ATG5: variants seen among roughly 807,000 people sequenced by gnomAD.
ATG5 encodes autophagy protein 5.
A neutral mutation model predicts 36.5 loss-of-function variants in ATG5; 14 were observed. The observed-to-expected ratio is 0.38, with a 90% CI of 0.25 to 0.60. ATG5 has a LOEUF of 0.60. Among genes scored for constraint, ATG5 ranks in the 20% least tolerant of loss-of-function variants. The probability of loss-of-function intolerance (pLI) is 0.60; values close to 1 mark genes in which losing one functional copy is unlikely to be tolerated. For synonymous variants in ATG5, 95 were observed against 101.5 expected, an observed-to-expected ratio of 0.94 and a Z score of 0.38; for missense variants, 195 against 326.7, an observed-to-expected ratio of 0.60 and a Z score of 3.11.
At chr6:106,247,549 T>C (rs1778390684) in intron 6 of ATG5, among the ~76,000 whole-genome samples, 1 of 152,292 alleles carries the variant, frequency 6.6e-6, no homozygotes, top group Middle Eastern at 3.4e-3. Context: ...AACACTGAAA[T>C]CATCGCTCCT....
chr6:106,247,963 C>T (rs1778413236), intron 6 of ATG5, among the ~76,000 whole-genome samples, 187 bp downstream of exon 6: 1 of 152,122 alleles, frequency 6.6e-6, no homozygotes, highest in African/African-American at 2.4e-5. Context: ...TAATGAGTAC[C>T]AAATGCATAT....
intron 6 of ATG5, among the ~76,000 whole-genome samples, chr6:106,243,831 AAAAT>A (rs1182498711): frequency 6.6e-6 from 1 of 151,616 alleles, no homozygotes; most frequent in African/African-American, 2.4e-5. Flanking sequence ...ACTTCATCTC[AAAAT>A]AAATAAATAA....
At chr6:106,247,629 C>A (rs931204392) in intron 6 of ATG5, among the ~76,000 whole-genome samples, 1 of 152,174 alleles carries the variant, frequency 6.6e-6, no homozygotes, top group Non-Finnish European at 1.5e-5. Context: ...CAATACATAA[C>A]CTTGTTCTAT....
intron 1 of ATG5, among the ~76,000 whole-genome samples, chr6:106,318,845 C>CTT (rs1770959834): frequency 6.6e-6 from 1 of 152,188 alleles, no homozygotes; most frequent in Non-Finnish European, 1.5e-5. Context: ...TATAAGAAAG[C>CTT]ATGTCTCCAG....
Position 106,235,320 on chromosome 6 carries a change from G to T in ATG5, c.573+12830C>A, listed in dbSNP as rs192693585. On this transcript the variant is annotated intron_variant, in intron 6 of 7. Coordinates refer to ENST00000369076, the MANE Select transcript of ATG5 (RefSeq NM_004849.4). The stretch of plus-strand genomic sequence containing the variant: ...AAGATCTACCGTGGACCCCTGGACC[G>T]GCCTACTAGCCCATGCTCCAATTGT... Among the ~76,000 whole-genome samples, 8 of 152,228 alleles carry T rather than the reference G, an allele frequency of 5.3e-5. No homozygotes were observed. In the South Asian group the frequency reaches 1.7e-3, roughly 32 times the overall value.
chr6:106,205,590 A>G (rs1205989653), intron 6 of ATG5, among the ~76,000 whole-genome samples: 1 of 152,198 alleles, frequency 6.6e-6, no homozygotes, highest in Non-Finnish European at 1.5e-5. Context: ...AAAAAATGCT[A>G]AACAGGAAAG....
chr6:106,267,162 T>C (rs1467738023), intron 5 of ATG5, among the ~76,000 whole-genome samples: 1 of 152,196 alleles, frequency 6.6e-6, no homozygotes, highest in East Asian at 1.9e-4. Flanking sequence ...ATACAAAATC[T>C]ATTTGCAAAA....
intron 4 of ATG5, among the ~76,000 whole-genome samples, chr6:106,280,078 T>C (rs867718407): frequency 6.6e-6 from 1 of 151,674 alleles, no homozygotes; most frequent in Admixed American, 6.6e-5. Context: ...ATCTGAAAAA[T>C]AGCTTTTCAA....
At chr6:106,234,239 C>A (rs1265493723) in intron 6 of ATG5, among the ~76,000 whole-genome samples, 1 of 152,134 alleles carries the variant, frequency 6.6e-6, no homozygotes, top group East Asian at 1.9e-4. Flanking sequence ...ACATGAAACC[C>A]TCCATACCCA....
At chr6:106,289,082 A>G (rs1780201090) in intron 4 of ATG5, among the ~76,000 whole-genome samples, 1 of 152,236 alleles carries the variant, frequency 6.6e-6, no homozygotes, top group Admixed American at 6.5e-5. Flanking sequence ...ATTATCTGGC[A>G]TACTCAATAC....
At chr6:106,210,750 T>C (rs1168911005) in intron 6 of ATG5, among the ~76,000 whole-genome samples, 2 of 152,220 alleles carry the variant, frequency 1.3e-5, no homozygotes, top group Middle Eastern at 3.2e-3. Flanking sequence ...GTCAATTGTA[T>C]CATCTATAAA....
At chr6:106,281,977 A>G (rs1779898683) in intron 4 of ATG5, among the ~76,000 whole-genome samples, 1 of 152,222 alleles carries the variant, frequency 6.6e-6, no homozygotes, top group Non-Finnish European at 1.5e-5. Flanking sequence ...TGTTCTGTGA[A>G]CTAAGTTTTT....
intron 3 of ATG5, among the ~76,000 whole-genome samples, chr6:106,307,614 G>A (rs531194680): frequency 2.8e-4 from 38 of 136,474 alleles, no homozygotes; most frequent in Admixed American, 8.2e-4. Flanking sequence ...ATAGCTCACC[G>A]CAACCTCCAC....
At chr6:106,235,379 T>C (rs1015912234) in intron 6 of ATG5, among the ~76,000 whole-genome samples, 1 of 152,040 alleles carries the variant, frequency 6.6e-6, no homozygotes, top group East Asian at 1.9e-4. Context: ...CGAGGAAATC[T>C]CAACTGCACA....
chr6:106,246,447 C>G (rs772881483), intron 6 of ATG5, among the ~76,000 whole-genome samples: 1 of 151,732 alleles, frequency 6.6e-6, no homozygotes, highest in Non-Finnish European at 1.5e-5. Flanking sequence ...CTCTCTCTCT[C>G]TCTCTGAAAC....
chr6:106,202,365 G>C (rs1776465267), intron 6 of ATG5: 1 of 258,202 alleles, frequency 3.9e-6, no homozygotes, highest in South Asian at 9.2e-5. Context: ...ACATTAAAAA[G>C]CAAACAACAC....
chr6:106,316,289 T>C (rs1770845089), intron 1 of ATG5, 23 bp from the exon 2 acceptor site: 1 of 982,560 alleles, frequency 1.0e-6, no homozygotes, highest in Non-Finnish European at 1.5e-6. Context: ...TGAAGAGCAT[T>C]AGTCAGATCC....
chr6:106,186,817 G>T, intron 7 of ATG5, 141 bp from the exon 8 acceptor site: 1 of 983,452 alleles, frequency 1.0e-6, no homozygotes, highest in Non-Finnish European at 1.5e-6. Flanking sequence ...TGGACATGGA[G>T]AAAGTTCAAA....
intron 6 of ATG5, among the ~76,000 whole-genome samples, chr6:106,238,456 AC>A (rs1777983892): frequency 6.6e-5 from 10 of 152,210 alleles, no homozygotes; most frequent in Admixed American, 6.5e-4. Flanking sequence ...CTGGGAGCTA[AC>A]CCATCCCTCT....
Sources: allele counts gnomAD v4.1 joint callset (sites outside exome capture counted in the v4.1 genomes callset), GRCh38; gene constraint gnomAD v4.1.1; transcripts MANE v1.5; gene names NCBI Gene and HGNC (gene_info 2026-07-23, HGNC 2026-07-21).